The following SNTG1 variants were observed in gnomAD, a reference collection of about 807,000 sequenced individuals.
SNTG1 encodes syntrophin gamma 1, also known as gamma-1-syntrophin.
Under a neutral mutation model 74.7 loss-of-function variants are expected in SNTG1, and 39 were observed. The observed-to-expected ratio is 0.52, with a 90% CI of 0.40 to 0.68. The LOEUF is 0.68. Among genes scored for constraint, SNTG1 ranks in the 30% least tolerant of loss-of-function variants. The pLI, the probability that SNTG1 is intolerant of heterozygous loss-of-function variation, is 0.00. For missense variants in SNTG1, 685 were observed against 609.5 expected (o/e 1.12, Z -1.30); for synonymous variants, 254 against 217.1 (o/e 1.17, Z -1.49).
intron 3 of SNTG1, 107 bp downstream of exon 3, chr8:50,394,372 A>G: frequency 1.8e-6 from 2 of 1,105,552 alleles, no homozygotes; most frequent in Non-Finnish European, 2.6e-6. Context: ...GAAAATGGAG[A>G]GAGGAGGATG....
chr8:50,573,933 G>T (rs1181624158), intron 12 of SNTG1, among the ~76,000 whole-genome samples: 4 of 151,832 alleles, frequency 2.6e-5, no homozygotes, highest in African/African-American at 9.7e-5. Flanking sequence ...TAACGTGATA[G>T]AATCAAATAA....
chr8:50,273,814 C>T (rs1029208620), intron 2 of SNTG1, among the ~76,000 whole-genome samples: 1 of 151,794 alleles, frequency 6.6e-6, no homozygotes, highest in Non-Finnish European at 1.5e-5. Flanking sequence ...TTGACTGAAG[C>T]CAAAGAGGGA....
intron 1 of SNTG1, among the ~76,000 whole-genome samples, chr8:49,934,691 C>T (rs1807899341): frequency 6.6e-6 from 1 of 152,174 alleles, no homozygotes; most frequent in South Asian, 2.1e-4. Context: ...AGTCCTATGA[C>T]ATTTCATCAA....
At chr8:50,533,572 A>G (rs995490356) in intron 10 of SNTG1, among the ~76,000 whole-genome samples, 11 of 151,188 alleles carry the variant, frequency 7.3e-5, no homozygotes, top group African/African-American at 2.7e-4. Flanking sequence ...ATAAACTACT[A>G]TTCCAAAAAA....
At chr8:49,918,024 C>T (rs1471275096) in intron 1 of SNTG1, among the ~76,000 whole-genome samples, 1 of 152,090 alleles carries the variant, frequency 6.6e-6, no homozygotes, top group Non-Finnish European at 1.5e-5. Context: ...ACATAGCTGC[C>T]GAACCTTTTC....
intron 1 of SNTG1, among the ~76,000 whole-genome samples, chr8:50,021,610 A>C (rs1816820924): frequency 6.6e-6 from 1 of 152,080 alleles, no homozygotes; most frequent in Non-Finnish European, 1.5e-5. Flanking sequence ...TGGTTTCATG[A>C]TCACAAATAA....
chr8:50,597,368 C>T (rs62516790), intron 13 of SNTG1, among the ~76,000 whole-genome samples: 61 of 75,658 alleles, frequency 8.1e-4, no homozygotes, highest in South Asian at 2.4e-3. Context: ...TACACATATA[C>T]ATGTATATAT....
At chr8:50,286,403 T>C (rs1383461655) in intron 2 of SNTG1, 1 of 152,230 alleles carries the variant, frequency 6.6e-6, no homozygotes, top group Non-Finnish European at 1.5e-5. Flanking sequence ...AAGTGTGCTC[T>C]AGTCTGCAGT....
intron 1 of SNTG1, among the ~76,000 whole-genome samples, chr8:50,138,707 G>C (rs1385180281): frequency 6.6e-6 from 1 of 150,848 alleles, no homozygotes; most frequent in Non-Finnish European, 1.5e-5. Context: ...AGCACTGAAG[G>C]ACATGCAGTT....
chr8:50,649,245 C>A (rs1306639825), intron 13 of SNTG1, among the ~76,000 whole-genome samples: 2 of 152,188 alleles, frequency 1.3e-5, no homozygotes, highest in Non-Finnish European at 2.9e-5. Flanking sequence ...GTTCAGTTCA[C>A]ATGAGAAGTG....
intron 2 of SNTG1, among the ~76,000 whole-genome samples, chr8:50,389,165 A>G (rs891261400): frequency 6.6e-6 from 1 of 152,190 alleles, no homozygotes; most frequent in African/African-American, 2.4e-5. Flanking sequence ...CCATAGCTGG[A>G]GTAGACATAA....
intron 9 of SNTG1, among the ~76,000 whole-genome samples, chr8:50,516,669 T>C (rs1366444076): frequency 6.6e-6 from 1 of 152,078 alleles, no homozygotes; most frequent in Non-Finnish European, 1.5e-5. Flanking sequence ...AATAGCCAAA[T>C]TGATCAAATA....
chr8:50,194,952 T>C (rs969854018), intron 2 of SNTG1, among the ~76,000 whole-genome samples: 1 of 152,228 alleles, frequency 6.6e-6, no homozygotes, highest in Admixed American at 6.5e-5. Context: ...CTAGAAAGCA[T>C]CAGCTGTAGT....
chr8:50,421,051 G>GGT lies in SNTG1; in HGVS notation c.163-17492_163-17491insGT, dbSNP rs1563362890. Among the ~76,000 whole-genome samples, 17 of 23,168 alleles carry GGT rather than the reference G, an allele frequency of 7.3e-4. 1 individual carries two copies. The highest frequency in any genetic ancestry group is 1.2e-3 in the Non-Finnish European group (14 of 11,824). The allele number at this position is 23,168 out of a possible 152,430, so 15.2% of individuals were successfully genotyped here. On this transcript the variant is annotated intron_variant, in intron 4 of 18. Transcript: ENST00000642720. ...AAAAAAAAAAAGGCGGTGGGCGGGG[G>GGT]AGGGGGGGGCGAAGATAAAGGGACA...
At chr8:50,417,448 T>C (rs1210259786) in intron 4 of SNTG1, among the ~76,000 whole-genome samples, 1 of 152,184 alleles carries the variant, frequency 6.6e-6, no homozygotes, top group Non-Finnish European at 1.5e-5. Context: ...AGAATTATAC[T>C]TATGAAATGT....
rs141311582 is a variant in SNTG1 at position 49,993,013 on chromosome 8, C to G, written c.-103+80782C>G. ...TGCAGAAATGTGTAATTAATAAATA[C>G]CATTTACATGTTTTAAATCTTTTTT... is the stretch of plus-strand genomic sequence containing the variant. On this transcript the variant is annotated intron_variant, in intron 1 of 18. Transcript: ENST00000642720. Among the ~76,000 whole-genome samples the G allele has an allele frequency of 4.1e-4, 62 of 152,134 alleles. 2 individuals carry two copies. The East Asian group carries it at 0.011, about 28-fold the overall frequency.
chr8:50,009,463 T>C (rs892761066), intron 1 of SNTG1, among the ~76,000 whole-genome samples: 17 of 152,220 alleles, frequency 1.1e-4, no homozygotes, highest in African/African-American at 4.1e-4. Context: ...CTAAAGGAAG[T>C]TTGTCTATCA....
intron 8 of SNTG1, among the ~76,000 whole-genome samples, chr8:50,489,641 T>G (rs2093832411): frequency 6.6e-6 from 1 of 152,182 alleles, no homozygotes; most frequent in African/African-American, 2.4e-5. Context: ...TTCTTGTAAA[T>G]TTGTTTAAGC....
At chr8:49,996,101 A>G (rs935121583) in intron 1 of SNTG1, among the ~76,000 whole-genome samples, 1 of 152,110 alleles carries the variant, frequency 6.6e-6, no homozygotes, top group East Asian at 1.9e-4. Flanking sequence ...ATTAAAATTG[A>G]ATTTTTTGGT....
Sources: allele counts gnomAD v4.1 joint callset (sites outside exome capture counted in the v4.1 genomes callset), GRCh38; gene constraint gnomAD v4.1.1; transcripts MANE v1.5; gene names NCBI Gene and HGNC (gene_info 2026-07-23, HGNC 2026-07-21).